Variants in DDHD2 observed in about 807,000 individuals in gnomAD.
DDHD2 encodes triacylglycerol hydrolase DDHD2.
Under a neutral mutation model 91.2 loss-of-function variants are expected in DDHD2, and 62 were observed. The ratio of observed to expected loss-of-function variants is 0.68; its 90% CI spans 0.55 to 0.84. The LOEUF is 0.84. Among genes scored for constraint, DDHD2 ranks in the 40% least tolerant of loss-of-function variants. The pLI is 0.00. For synonymous variants in DDHD2, 271 were observed against 293.9 expected (o/e 0.92, Z 0.80); for missense variants, 740 against 846.9 (o/e 0.87, Z 1.57).
In DDHD2 at chr8:38,253,078, A is replaced by C; in HGVS notation, c.1842A>C (p.Thr614=). ...ACCCTGCCTTACAAGCTTCAGAAAC[A>C]CCAGAAGAAACTGAAGCAGAACCTG... ...APYPALQASE[T]PEETEAEPES... The change falls in exon 15 of 18, where the codon ACA becomes ACC. Residue 614 remains threonine, a synonymous_variant. Transcript: ENST00000397166. 6.2e-7 allele frequency: 1 copy of C among 1,614,176 alleles called. No individual in the cohort carries two copies. Among genetic ancestry groups the C allele is most frequent in the South Asian group, 1.1e-5 (1 of 91,074 alleles).
chr8:38,249,932 T>C, intron 11 of DDHD2, 129 bp downstream of exon 11: 4 of 545,868 alleles, frequency 7.3e-6, no homozygotes, highest in Non-Finnish European at 1.3e-5. Flanking sequence ...GCTCTTTTTT[T>C]TTGAGACAGG....
At chr8:38,255,794 A>G (rs1321434419) in intron 16 of DDHD2, among the ~76,000 whole-genome samples, 4 of 151,908 alleles carry the variant, frequency 2.6e-5, no homozygotes, top group African/African-American at 9.7e-5. Flanking sequence ...TTTCTTTTGC[A>G]CACACCTTGT....
chr8:38,268,445 G>A, intron 1 of DDHD2: 1 of 1,573,848 alleles, frequency 6.4e-7, no homozygotes, highest in Non-Finnish European at 8.6e-7. Flanking sequence ...AGACAGTGGA[G>A]AGAGAAATGC....
chr8:38,268,973 G>A (rs1178218146), intron 1 of DDHD2: 2 of 1,570,266 alleles, frequency 1.3e-6, no homozygotes, highest in Non-Finnish European at 1.7e-6. Flanking sequence ...CTGGAACGGG[G>A]GGAGCAGCTC....
At chr8:38,239,874 T>G (rs905185619) in intron 5 of DDHD2, among the ~76,000 whole-genome samples, 2 of 151,100 alleles carry the variant, frequency 1.3e-5, no homozygotes, top group African/African-American at 4.9e-5. Flanking sequence ...TACAGGCATG[T>G]GCCACCACAC....
In DDHD2 at chr8:38,269,299, C is replaced by T. The variant is rs1361629785; in HGVS notation, n.88-1823C>T. 26 of 1,202,262 alleles carry T rather than the reference C, an allele frequency of 2.2e-5. No homozygotes were observed. The East Asian group carries it at 7.0e-4, about 32-fold the overall frequency. 74.5% of individuals were successfully genotyped at this position (1,202,262 alleles called of 1,614,324 possible). The stretch of plus-strand genomic sequence containing the variant: ...CCGCCCCCTCTCCCAGTTGCCCGCG[C>T]TCCGGCGGCTCCCCAGGAAGACGGC... On this transcript the variant is annotated intron_variant and non_coding_transcript_variant, in intron 1 of 1. Coordinates refer to the DDHD2 transcript ENST00000526071.
chr8:38,268,275 T>A, intron 1 of DDHD2: 1 of 1,190,740 alleles, frequency 8.4e-7, no homozygotes, highest in Non-Finnish European at 1.2e-6. Context: ...AATGCAGAAC[T>A]CAGTGGCCTC....
At chr8:38,268,777 T>G in intron 1 of DDHD2, 3 of 1,436,714 alleles carry the variant, frequency 2.1e-6, no homozygotes, top group Non-Finnish European at 1.8e-6. Context: ...AGCAGCGGAG[T>G]GGGCAGTGGG....
At chr8:38,268,381 T>C in intron 1 of DDHD2, 1 of 1,568,052 alleles carries the variant, frequency 6.4e-7, no homozygotes, top group Non-Finnish European at 8.6e-7. Flanking sequence ...CCAGGCAGGC[T>C]TGTCTGCTGT....
chr8:38,245,446 A>G (rs1223185370), intron 7 of DDHD2, among the ~76,000 whole-genome samples: 2 of 151,900 alleles, frequency 1.3e-5, no homozygotes, highest in African/African-American at 4.8e-5. Context: ...AAAAAAAAAA[A>G]GAAAAGTCTC....
downstream of DDHD2, chr8:38,267,212 T>A (rs1323071212): frequency 1.2e-6 from 2 of 1,613,394 alleles, no homozygotes; most frequent in East Asian, 4.5e-5. Flanking sequence ...GCTTTCTAGG[T>A]TAAATTCAAT....
rs1300426512 is a variant in DDHD2 at position 38,253,701 on chromosome 8, A to G, written c.2037A>G (p.Gln679=). 6.8e-6 allele frequency: 11 copies of G among 1,614,010 alleles called. No individual in the cohort carries two copies. The South Asian group carries it at 1.2e-4, about 18-fold the overall frequency. ...TTAATGAGTATTTATTTGCTTTACA[A>G]AGCCATCTATGCTACTGGTAAATGT... The part of the protein sequence containing the change: ...ESFNEYLFAL[Q]SHLCYWESED... Residue 679 remains glutamine, a synonymous_variant, in exon 16 of 18, where the codon CAA becomes CAG. Coordinates refer to ENST00000397166, the MANE Select transcript of DDHD2 (RefSeq NM_015214.3).
downstream of DDHD2, chr8:38,271,405 C>T (rs138192992): frequency 3.9e-5 from 6 of 152,204 alleles, no homozygotes; most frequent in South Asian, 6.2e-4. Context: ...TTATCCCCCC[C>T]CTTACCCTTT....
chr8:38,233,284 A>G (rs1273245069), intron 2 of DDHD2, 70 bp downstream of exon 2: 5 of 1,300,036 alleles, frequency 3.8e-6, no homozygotes, highest in Non-Finnish European at 5.3e-6. Flanking sequence ...AATGGTCCTT[A>G]TAGTGAGTGC....
In DDHD2 at chr8:38,247,713, G is replaced by A. The variant is rs1805757449; in HGVS notation, c.1126G>A (p.Asp376Asn). 6.7e-7 allele frequency: 1 copy of A among 1,485,556 alleles called. No homozygotes were observed. The highest frequency in any genetic ancestry group is 2.4e-5 in the East Asian group (1 of 40,920). The allele number at this position is 1,485,556 out of a possible 1,614,324, so 92.0% of individuals were successfully genotyped here. The change falls in exon 10 of 18, where the codon GAT becomes AAT. Residue 376 changes from aspartate to asparagine, a missense_variant and splice_region_variant. Transcript: ENST00000397166. ...DSLGDIDSEK[D>N]SLNIVMDQGD... ...ATGAGCTTTATAATTTAATTTTTAGGATTCGCTAAATATTGTAATGGATCA... is the reference window on the plus strand; with the variant it reads ...ATGAGCTTTATAATTTAATTTTTAGAATTCGCTAAATATTGTAATGGATCA...
At chr8:38,259,830 G>C (rs1806839039) in intron 16 of DDHD2, among the ~76,000 whole-genome samples, 1 of 152,138 alleles carries the variant, frequency 6.6e-6, no homozygotes, top group African/African-American at 2.4e-5. Flanking sequence ...TCTCTTCCTA[G>C]CTTTTTTATA....
At chr8:38,249,632 G>A in intron 10 of DDHD2, 76 bp from the exon 11 acceptor site, 1 of 937,038 alleles carries the variant, frequency 1.1e-6, no homozygotes, top group Admixed American at 2.4e-5. Context: ...AGAGTGCCTA[G>A]GCCTTGTTCC....
Position 38,239,182 on chromosome 8 carries a change from TGGG to T in DDHD2, c.622+974_622+976del. On this transcript the variant is annotated intron_variant, in intron 5 of 17. Coordinates refer to ENST00000397166, the MANE Select transcript of DDHD2 (RefSeq NM_015214.3). ...TGAGCCCAGGAGTTCGAGACCAGCC[TGGG>T]CAATATGGCGAAACCCTGTCTGTAC... 5 of 152,002 alleles carry T rather than the reference TGGG, an allele frequency of 3.3e-5. No individual in the cohort carries two copies. The South Asian group carries it at 1.0e-3, about 32-fold the overall frequency. The allele number at this position is 152,002 out of a possible 1,614,324, so 9.4% of individuals were successfully genotyped here.
chr8:38,236,911 T>C (rs1046632856), intron 3 of DDHD2, among the ~76,000 whole-genome samples: 1 of 151,822 alleles, frequency 6.6e-6, no homozygotes, highest in Non-Finnish European at 1.5e-5. Flanking sequence ...GTGATCTTCC[T>C]GCCTTGGCCT....
Sources: gnomAD v4.1 joint callset for allele counts (sites outside exome capture counted in the v4.1 genomes callset) on GRCh38, gnomAD v4.1.1 for gene constraint, MANE v1.5 for transcripts, NCBI Gene and HGNC (gene_info 2026-07-23, HGNC 2026-07-21) for gene names.